CNTNAP2: variants seen among roughly 807,000 people sequenced by gnomAD.
CNTNAP2 encodes contactin-associated protein-like 2.
In CNTNAP2, 98 loss-of-function variants were observed where a neutral mutation model predicts 155.2. The observed-to-expected ratio is 0.63, with a 90% CI of 0.54 to 0.75. The LOEUF is 0.75. Ranked by LOEUF, CNTNAP2 falls within the 30% of genes least tolerant of loss-of-function variation. The pLI is 0.00. For synonymous variants in CNTNAP2, 651 were observed against 631.2 expected, an observed-to-expected ratio of 1.03 and a Z score of -0.47; for missense variants, 1,727 against 1,688.1, an observed-to-expected ratio of 1.02 and a Z score of -0.40.
intron 9 of CNTNAP2, among the ~76,000 whole-genome samples, chr7:147,306,362 G>T (rs973293561): frequency 6.6e-6 from 1 of 152,116 alleles, no homozygotes; most frequent in Non-Finnish European, 1.5e-5. Flanking sequence ...AAAACAAAAA[G>T]TATCGTGCAT....
intron 3 of CNTNAP2, among the ~76,000 whole-genome samples, chr7:146,910,723 A>G (rs1796254936): frequency 1.3e-5 from 2 of 149,704 alleles, no homozygotes; most frequent in African/African-American, 5.0e-5. Flanking sequence ...CCTAGGCATT[A>G]CCATTCAGGA....
At chr7:146,838,832 G>T (rs1803666408) in intron 2 of CNTNAP2, among the ~76,000 whole-genome samples, 1 of 151,986 alleles carries the variant, frequency 6.6e-6, no homozygotes, top group Admixed American at 6.6e-5. Flanking sequence ...CTGTACATTG[G>T]ATAATCTATT....
chr7:147,661,890 G>A (rs28555166), intron 13 of CNTNAP2, among the ~76,000 whole-genome samples: 7,567 of 152,060 alleles, frequency 0.05, 613 homozygotes, highest in African/African-American at 0.17. Flanking sequence ...TCTACAGCCT[G>A]CACCATGACG....
intron 12 of CNTNAP2, among the ~76,000 whole-genome samples, chr7:147,622,769 A>G (rs561001326): frequency 6.6e-6 from 1 of 152,198 alleles, no homozygotes; most frequent in South Asian, 2.1e-4. Flanking sequence ...GAAGAAAGAA[A>G]TAATAAAGAT....
At chr7:148,310,938 G>C (rs1330969565) in intron 21 of CNTNAP2, among the ~76,000 whole-genome samples, 1 of 152,144 alleles carries the variant, frequency 6.6e-6, no homozygotes, top group East Asian at 1.9e-4. Flanking sequence ...TCGGGGCTGG[G>C]TATAAGTAAA....
intron 14 of CNTNAP2, among the ~76,000 whole-genome samples, chr7:147,926,824 A>T (rs1252563104): frequency 6.6e-6 from 1 of 152,210 alleles, no homozygotes; most frequent in East Asian, 1.9e-4. Flanking sequence ...TCAGGTGATA[A>T]TACAATGGAG....
chr7:146,523,194 C>CT (rs1364549284), intron 1 of CNTNAP2, among the ~76,000 whole-genome samples: 5 of 151,940 alleles, frequency 3.3e-5, no homozygotes, highest in Admixed American at 6.6e-5. Context: ...CATTCTTATG[C>CT]TTTTTTGTCC....
intron 1 of CNTNAP2, among the ~76,000 whole-genome samples, chr7:146,172,032 A>ATTTTTTTTTTTTTTTTTTTTTTTTTTTTT (rs61619996): frequency 1.5e-5 from 1 of 67,612 alleles, no homozygotes; most frequent in Admixed American, 2.0e-4. Context: ...TGCTCTTAGT[A>ATTTTTTTTTTTTTTTTTTTTTTTTTTTTT]TTTTTTTTTT....
At chr7:146,426,452 T>A in intron 1 of CNTNAP2, among the ~76,000 whole-genome samples, 1 of 149,736 alleles carries the variant, frequency 6.7e-6, no homozygotes, top group Non-Finnish European at 1.5e-5. Context: ...CACATATACA[T>A]AAATGTGTGT....
chr7:146,301,978 A>G (rs1187015375), intron 1 of CNTNAP2, among the ~76,000 whole-genome samples: 2 of 152,120 alleles, frequency 1.3e-5, no homozygotes, highest in Non-Finnish European at 2.9e-5. Flanking sequence ...GGACTTGGAA[A>G]AGGTACAACT....
chr7:147,147,507 T>C (rs866915070), intron 8 of CNTNAP2, among the ~76,000 whole-genome samples: 5 of 152,250 alleles, frequency 3.3e-5, no homozygotes, highest in South Asian at 4.1e-4. Context: ...CCCTTAGAGC[T>C]CTAAGTGGGA....
intron 21 of CNTNAP2, among the ~76,000 whole-genome samples, chr7:148,297,216 A>G (rs1367913857): frequency 1.1e-5 from 1 of 88,906 alleles, no homozygotes; most frequent in Non-Finnish European, 2.5e-5. Flanking sequence ...AAAAACACCT[A>G]AAGTGGAAGG....
At chr7:146,622,159 A>G (rs1161897505) in intron 1 of CNTNAP2, among the ~76,000 whole-genome samples, 1 of 151,246 alleles carries the variant, frequency 6.6e-6, no homozygotes, top group Non-Finnish European at 1.5e-5. Flanking sequence ...ACGTATATAT[A>G]TATACACACA....
At chr7:147,210,852 G>A (rs1168026655) in intron 8 of CNTNAP2, among the ~76,000 whole-genome samples, 1 of 151,900 alleles carries the variant, frequency 6.6e-6, no homozygotes, top group Non-Finnish European at 1.5e-5. Flanking sequence ...TCAGAAACAA[G>A]TCATTTAATT....
intron 21 of CNTNAP2, among the ~76,000 whole-genome samples, chr7:148,336,904 T>C (rs928751082): frequency 4.6e-5 from 7 of 152,334 alleles, no homozygotes; most frequent in Middle Eastern, 3.4e-3. Flanking sequence ...TTGCATTTGC[T>C]AACTGTGAAA....
At chr7:148,001,717 T>G (rs1033097485) in intron 15 of CNTNAP2, among the ~76,000 whole-genome samples, 1 of 152,226 alleles carries the variant, frequency 6.6e-6, no homozygotes, top group Non-Finnish European at 1.5e-5. Context: ...AATGTGTCTA[T>G]GAAGCCATCT....
intron 1 of CNTNAP2, among the ~76,000 whole-genome samples, chr7:146,328,416 C>T (rs538804715): frequency 2.6e-5 from 4 of 151,848 alleles, no homozygotes; most frequent in South Asian, 2.1e-4. Flanking sequence ...AAAGAAACAA[C>T]GTATATATTT....
chr7:147,326,770 A>G (rs973794518), intron 9 of CNTNAP2, among the ~76,000 whole-genome samples: 2 of 152,166 alleles, frequency 1.3e-5, no homozygotes, highest in Non-Finnish European at 2.9e-5. Context: ...TCTTTCACAA[A>G]TGAGGTGAAA....
At chr7:147,750,865 T>C (rs551311496) in intron 13 of CNTNAP2, among the ~76,000 whole-genome samples, 17 of 151,986 alleles carry the variant, frequency 1.1e-4, no homozygotes, top group African/African-American at 4.1e-4. Context: ...GGTGAAACCC[T>C]GTCTCTACTA....
Sources: allele counts gnomAD v4.1 joint callset (sites outside exome capture counted in the v4.1 genomes callset), GRCh38; gene constraint gnomAD v4.1.1; transcripts MANE v1.5; gene names NCBI Gene and HGNC (gene_info 2026-07-23, HGNC 2026-07-21).